AHCYL1: variants seen among roughly 807,000 people sequenced by gnomAD.
AHCYL1 encodes the protein adenosylhomocysteinase like 1.
Under a neutral mutation model 79.3 loss-of-function variants are expected in AHCYL1, and 20 were observed. The observed-to-expected ratio is 0.25, with a 90% confidence interval of 0.18 to 0.37. The LOEUF (loss-of-function observed/expected upper bound fraction) is 0.37. Among genes scored for constraint, AHCYL1 ranks in the 10% least tolerant of loss-of-function variants. The pLI, the probability that AHCYL1 is intolerant of heterozygous loss-of-function variation, is 1.00. For missense variants in AHCYL1, 330 were observed against 673.6 expected, an observed-to-expected ratio of 0.49 and a Z score of 5.65; for synonymous variants, 223 against 242.2, an observed-to-expected ratio of 0.92 and a Z score of 0.74.
intron 1 of AHCYL1, among the ~76,000 whole-genome samples, chr1:109,991,844 A>G (rs1167817581): frequency 6.6e-6 from 1 of 152,246 alleles, no homozygotes; most frequent in Non-Finnish European, 1.5e-5. Flanking sequence ...GAAGCCGTTC[A>G]TACTGAGTTT....
chr1:109,991,768 A>C (rs1258411380), intron 1 of AHCYL1, among the ~76,000 whole-genome samples: 1 of 152,174 alleles, frequency 6.6e-6, no homozygotes, highest in Non-Finnish European at 1.5e-5. Flanking sequence ...TGAGTGACAG[A>C]GTAAAGGGGC....
chr1:110,003,514 TA>T (rs747569132), intron 1 of AHCYL1, among the ~76,000 whole-genome samples: 3 of 150,584 alleles, frequency 2.0e-5, no homozygotes, highest in Non-Finnish European at 3.0e-5. Flanking sequence ...GGATGGAGGG[TA>T]GGGGGTGGGA....
rs573193969 is a variant in AHCYL1, at chr1:109,990,552, A to C, written c.120+5380A>C. On this transcript the variant is annotated intron_variant, in intron 1 of 16. Transcript: ENST00000369799. The stretch of plus-strand genomic sequence containing the variant: ...AAATGTTAAAGAGCCAAAACAAAGA[A>C]GTTTCTATTGGAATGTCTTTTCAAT... Among the ~76,000 whole-genome samples, 192 of 152,308 alleles carry C rather than the reference A, an allele frequency of 1.3e-3. 1 individual carries two copies. The highest frequency in any genetic ancestry group is 5.9e-4 in the Admixed American group (9 of 15,304).
intron 13 of AHCYL1, 177 bp from the exon 14 acceptor site, chr1:110,018,874 G>A: frequency 1.4e-6 from 1 of 727,330 alleles, no homozygotes; most frequent in Non-Finnish European, 2.3e-6. Flanking sequence ...TAACCTTTCA[G>A]ACTCAGATGG....
chr1:110,021,747 CTT>C lies in AHCYL1; in HGVS notation c.*70_*71del. On this transcript the variant is annotated 3_prime_UTR_variant, in exon 17 of 17. Transcript: ENST00000369799. ...TCTAAAGAAATATTTTTTAAGATAA[CTT>C]TTATTTTCTTCTTACTCCTTTCCTC... The C allele has an allele frequency of 6.7e-7, 1 of 1,493,774 alleles. No individual in the cohort carries two copies. The highest frequency in any genetic ancestry group is 9.2e-7 in the Non-Finnish European group (1 of 1,088,032). The allele number at this position is 1,493,774 out of a possible 1,614,324, so 92.5% of individuals were successfully genotyped here. A position where few individuals can be genotyped will look rare whatever the true frequency, so the allele number is the denominator to read the frequency against.
chr1:109,995,660 A>G (rs1416757612), intron 1 of AHCYL1: 2 of 985,240 alleles, frequency 2.0e-6, no homozygotes, highest in Non-Finnish European at 2.4e-6. Flanking sequence ...TGCTTAGATT[A>G]TTTCTTAGAT....
chr1:110,005,952 C>T (rs1570869195), intron 1 of AHCYL1, among the ~76,000 whole-genome samples: 1 of 146,616 alleles, frequency 6.8e-6, no homozygotes, highest in Admixed American at 6.8e-5. Context: ...TTTGGTAGAG[C>T]TTTTCTTTAC....
At position 110,009,087 on chromosome 1, in the gene AHCYL1, T is replaced by C; in HGVS notation, c.174T>C (p.Thr58=). ...AGTTCACCAAATTCCCCACCAAAAC[T>C]GGCCGAAGATCTTTGTCTCGCTCGA... is the stretch of plus-strand genomic sequence containing the variant. ...MQEFTKFPTK[T]GRRSLSRSIS... is the part of the protein sequence containing the mutation. The change falls in exon 2 of 17, where the codon ACT becomes ACC. Residue 58 remains threonine, a synonymous_variant. Transcript: ENST00000369799. 6.2e-7 allele frequency: 1 copy of C among 1,614,082 alleles called. No homozygotes were observed.
chr1:110,001,344 G>A (rs1435710402), intron 1 of AHCYL1, among the ~76,000 whole-genome samples: 1 of 152,004 alleles, frequency 6.6e-6, no homozygotes, highest in East Asian at 1.9e-4. Context: ...ACGCCACCAT[G>A]CCCGGCTAAT....
intron 1 of AHCYL1, among the ~76,000 whole-genome samples, chr1:109,991,621 T>A (rs1489004262): frequency 6.6e-6 from 1 of 152,196 alleles, no homozygotes; most frequent in Non-Finnish European, 1.5e-5. Context: ...ATTGTTGACA[T>A]GTTTTTCTTT....
At position 110,023,404 on chromosome 1, in the gene AHCYL1, A is replaced by G. The variant is rs939499107; in HGVS notation, c.*1724A>G. The G allele has an allele frequency of 6.6e-6, 1 of 152,550 alleles. No homozygotes were observed. Among genetic ancestry groups the G allele is most frequent in the Non-Finnish European group, 1.5e-5 (1 of 68,044 alleles). 9.4% of individuals were successfully genotyped at this position (152,550 alleles called of 1,614,324 possible). On this transcript the variant is annotated 3_prime_UTR_variant, in exon 17 of 17. Transcript: ENST00000369799. ...GGGCACTTAACCAACCAATCAGAAC[A>G]CCACATCTGTTAGGGGAGGTAACCT...
intron 10 of AHCYL1, among the ~76,000 whole-genome samples, 165 bp from the exon 11 acceptor site, chr1:110,017,781 G>A (rs1043492996): frequency 8.5e-5 from 13 of 152,116 alleles, no homozygotes; most frequent in African/African-American, 3.1e-4. Flanking sequence ...GGAGTCTTGG[G>A]GACTCTGAAG....
At position 109,985,013 on chromosome 1, in the gene AHCYL1, C is replaced by A; in HGVS notation, c.-40C>A. 1 of 1,478,264 alleles carries A rather than the reference C, an allele frequency of 6.8e-7. No individual in the cohort carries two copies. Among genetic ancestry groups the A allele is most frequent in the South Asian group, 1.3e-5 (1 of 76,930 alleles). 91.6% of individuals were successfully genotyped at this position (1,478,264 alleles called of 1,614,324 possible). ...GGCGGGCGCCAGAGGGGGAAAGAGG[C>A]GGGGGCGGCGGGTCAGCCGCTGGCC... is the stretch of plus-strand genomic sequence containing the variant. On this transcript the variant is annotated 5_prime_UTR_variant, in exon 1 of 17. Coordinates refer to ENST00000369799, the MANE Select transcript of AHCYL1 (RefSeq NM_006621.7).
At position 109,985,050 on chromosome 1, in the gene AHCYL1, G is replaced by C. The variant is rs1297766014; in HGVS notation, c.-3G>C. 13 of 1,579,540 alleles carry C rather than the reference G, an allele frequency of 8.2e-6. No individual in the cohort carries two copies. The highest frequency in any genetic ancestry group is 6.0e-6 in the Non-Finnish European group (7 of 1,165,336). On this transcript the variant is annotated 5_prime_UTR_variant, in exon 1 of 17. Transcript: ENST00000369799. ...GTCAGCCGCTGGCCGGGCCGGCCGG[G>C]GAATGTCGATGCCTGACGCGATGCC...
At chr1:109,995,130 G>A (rs1396415036) in intron 1 of AHCYL1, among the ~76,000 whole-genome samples, 1 of 152,138 alleles carries the variant, frequency 6.6e-6, no homozygotes, top group Non-Finnish European at 1.5e-5. Flanking sequence ...TAGTGGAAGT[G>A]GGGTAAAGCA....
At chr1:110,020,985 C>T (rs763268800) in intron 16 of AHCYL1, 134 bp downstream of exon 16, 45 of 1,318,032 alleles carry the variant, frequency 3.4e-5, no homozygotes, top group Admixed American at 8.5e-5. Flanking sequence ...AGGCCAGGCA[C>T]GGTGGCTCAC....
chr1:110,018,251 T>C lies in AHCYL1; in HGVS notation c.1124-122T>C, dbSNP rs935516411. The C allele has an allele frequency of 1.4e-5, 14 of 986,922 alleles. No homozygotes were observed. The Middle Eastern group carries it at 6.4e-4, about 45-fold the overall frequency. 61.1% of individuals were successfully genotyped at this position (986,922 alleles called of 1,614,324 possible). ...AAGGAGCGGTTATGCATGTCTTCTC[T>C]CAGAATGTCTACATGTTCTTTAATG... On this transcript the variant is annotated intron_variant, in intron 11 of 16. Coordinates refer to ENST00000369799, the MANE Select transcript of AHCYL1 (RefSeq NM_006621.7).
intron 1 of AHCYL1, among the ~76,000 whole-genome samples, chr1:110,006,055 T>C (rs1371641316): frequency 2.6e-5 from 4 of 152,162 alleles, no homozygotes; most frequent in Non-Finnish European, 4.4e-5. Context: ...TGGCCTGATA[T>C]TTAATTGGGT....
At chr1:110,015,571 TC>T in intron 7 of AHCYL1, 40 bp downstream of exon 7, 2 of 1,521,650 alleles carry the variant, frequency 1.3e-6, no homozygotes, top group South Asian at 2.2e-5. Flanking sequence ...TGTCCTTGCC[TC>T]AGCAAACTCT....
Sources: gnomAD v4.1 joint callset for allele counts (sites outside exome capture counted in the v4.1 genomes callset) on GRCh38, gnomAD v4.1.1 for gene constraint, MANE v1.5 for transcripts, NCBI Gene and HGNC (gene_info 2026-07-23, HGNC 2026-07-21) for gene names.